NDUFAF7: variants seen among roughly 807,000 people sequenced by gnomAD.
The protein encoded by NDUFAF7 is NADH:ubiquinone oxidoreductase complex assembly factor 7.
Under a neutral mutation model 47.2 loss-of-function variants are expected in NDUFAF7, and 48 were observed. The observed-to-expected ratio is 1.02, with a 90% CI of 0.81 to 1.29. The LOEUF (loss-of-function observed/expected upper bound fraction) is 1.29. Ranked by LOEUF, NDUFAF7 falls within the 50% of genes most tolerant of loss-of-function variation. The probability of loss-of-function intolerance (pLI) is 0.00; values close to 1 mark genes in which losing one functional copy is unlikely to be tolerated. For synonymous variants in NDUFAF7, 217 were observed against 190.0 expected, an observed-to-expected ratio of 1.14 and a Z score of -1.17; for missense variants, 635 against 537.6, an observed-to-expected ratio of 1.18 and a Z score of -1.79.
chr2:37,268,548 G>A, the NDUFAF7 span: 1 of 282,364 alleles, frequency 3.5e-6, no homozygotes, highest in African/African-American at 2.3e-5. Context: ...AAGGGTAATA[G>A]ATATTGTGAG....
At chr2:37,244,321 T>C (rs1666688652) in intron 7 of NDUFAF7, among the ~76,000 whole-genome samples, 1 of 152,240 alleles carries the variant, frequency 6.6e-6, no homozygotes, top group Non-Finnish European at 1.5e-5. Flanking sequence ...GTACAGACTA[T>C]AGTAAATTAA....
downstream of NDUFAF7, among the ~76,000 whole-genome samples, chr2:37,255,125 G>C (rs1319045484): frequency 6.6e-6 from 1 of 152,198 alleles, no homozygotes; most frequent in Non-Finnish European, 1.5e-5. Context: ...GAGGTCTACA[G>C]AACACACTGC....
the NDUFAF7 span, among the ~76,000 whole-genome samples, chr2:37,271,253 C>A: frequency 6.6e-6 from 1 of 152,010 alleles, no homozygotes; most frequent in African/African-American, 2.4e-5. Flanking sequence ...CAGGGGTTAG[C>A]AAACTCCAGC....
In NDUFAF7 at chr2:37,249,112, T is replaced by G. The variant is rs1435059428; in HGVS notation, c.*762T>G. On this transcript the variant is annotated 3_prime_UTR_variant, in exon 10 of 10. Transcript: ENST00000002125. Reference sequence around the variant, plus strand: ...GAGTTTTTATAGTTGATTCCATTTTTGTTGAAGGAGAAAAACTAAATAAAT... The same window carrying G: ...GAGTTTTTATAGTTGATTCCATTTTGGTTGAAGGAGAAAAACTAAATAAAT... 1 of 152,308 alleles carries G rather than the reference T, an allele frequency of 6.6e-6. No homozygotes were observed. Among genetic ancestry groups the G allele is most frequent in the African/African-American group, 2.4e-5 (1 of 41,446 alleles). The allele number at this position is 152,308 out of a possible 1,614,324, so 9.4% of individuals were successfully genotyped here.
chr2:37,262,050 T>C, the NDUFAF7 span, among the ~76,000 whole-genome samples: 2 of 152,210 alleles, frequency 1.3e-5, no homozygotes, highest in African/African-American at 4.8e-5. Flanking sequence ...GGCTAAGTTG[T>C]GTTCAGGAGG....
At chr2:37,241,024 T>C (rs993333272) in intron 4 of NDUFAF7, among the ~76,000 whole-genome samples, 35 of 152,234 alleles carry the variant, frequency 2.3e-4, no homozygotes, top group African/African-American at 8.2e-4. Context: ...TGCTATTGAT[T>C]TTTTAGCCTT....
chr2:37,251,169 C>A (rs1200303146), downstream of NDUFAF7: 1 of 152,454 alleles, frequency 6.6e-6, no homozygotes, highest in African/African-American at 2.4e-5. Context: ...GGAAGTCATC[C>A]TCTATCACAG....
chr2:37,244,717 A>G (rs977585566), intron 7 of NDUFAF7, among the ~76,000 whole-genome samples: 7 of 152,204 alleles, frequency 4.6e-5, no homozygotes, highest in Non-Finnish European at 1.0e-4. Context: ...TTTTAAAAGC[A>G]CAAGAGCTTT....
downstream of NDUFAF7, among the ~76,000 whole-genome samples, chr2:37,249,566 C>CACACAT (rs1164034613): frequency 3.6e-3 from 167 of 46,026 alleles, 7 homozygotes; most frequent in East Asian, 0.33. Flanking sequence ...TAGACACACA[C>CACACAT]ACACACACAC....
chr2:37,267,361 A>AAG, the NDUFAF7 span: 5 of 1,104,860 alleles, frequency 4.5e-6, no homozygotes, highest in African/African-American at 4.8e-5. Flanking sequence ...AAAAAAAAAA[A>AAG]AGAGAAGCAG....
chr2:37,260,641 T>C, the NDUFAF7 span, among the ~76,000 whole-genome samples: 1 of 152,230 alleles, frequency 6.6e-6, no homozygotes, highest in South Asian at 2.1e-4. Flanking sequence ...CCATTACTAC[T>C]ACTTTTCCTT....
At chr2:37,236,198 G>T in intron 3 of NDUFAF7, 22 bp downstream of exon 3, 1 of 1,523,316 alleles carries the variant, frequency 6.6e-7, no homozygotes, top group South Asian at 1.1e-5. Context: ...TGTAAAGTAT[G>T]AATGAAGCTA....
At position 37,231,660 on chromosome 2, in the gene NDUFAF7, C is replaced by A. The variant is rs770031783; in HGVS notation, c.-46C>A. On this transcript the variant is annotated 5_prime_UTR_variant, in exon 1 of 10. Coordinates refer to ENST00000002125, the MANE Select transcript of NDUFAF7 (RefSeq NM_144736.5). ...GGGCGTGTCTTCTCCCGGAAATGGT[C>A]TAAGCCCCAGCTCCTGGCGGAGCGA... 6 of 1,613,990 alleles carry A rather than the reference C, an allele frequency of 3.7e-6. No individual in the cohort carries two copies. In the Admixed American group the frequency reaches 1.0e-4, roughly 27 times the overall value.
At chr2:37,236,623 T>A (rs1665797696) in intron 3 of NDUFAF7, among the ~76,000 whole-genome samples, 1 of 150,326 alleles carries the variant, frequency 6.7e-6, no homozygotes, top group African/African-American at 2.4e-5. Flanking sequence ...AAAAAAAAAA[T>A]ACAAAAAATT....
the NDUFAF7 span, chr2:37,269,587 C>G: frequency 6.4e-7 from 1 of 1,574,602 alleles, no homozygotes; most frequent in Non-Finnish European, 8.7e-7. Context: ...ATAATGTGTA[C>G]AATATGCAAA....
At position 37,249,083 on chromosome 2, in the gene NDUFAF7, G is replaced by A. The variant is rs759506214; in HGVS notation, c.*733G>A. The A allele has an allele frequency of 6.6e-6, 1 of 152,242 alleles. No individual in the cohort carries two copies. Among genetic ancestry groups the A allele is most frequent in the African/African-American group, 2.4e-5 (1 of 41,428 alleles). The allele number at this position is 152,242 out of a possible 1,614,324, so 9.4% of individuals were successfully genotyped here. ...TTTAGTAAGTGAAAAAAAGTAGGAT[G>A]CAAGAGTTTTTATAGTTGATTCCAT... is the stretch of plus-strand genomic sequence containing the variant. On this transcript the variant is annotated 3_prime_UTR_variant, in exon 10 of 10. Transcript: ENST00000002125.
the NDUFAF7 span, chr2:37,268,492 C>A: frequency 2.7e-6 from 1 of 365,456 alleles, no homozygotes. Flanking sequence ...CATCTCACAG[C>A]CAACGCTCCA....
the NDUFAF7 span, among the ~76,000 whole-genome samples, chr2:37,259,283 C>G: frequency 3.3e-5 from 5 of 152,178 alleles, no homozygotes; most frequent in Admixed American, 1.3e-4. Context: ...GGTATTTATC[C>G]TAAGTACCAT....
chr2:37,234,383 T>TGC (rs1298032017), intron 2 of NDUFAF7, among the ~76,000 whole-genome samples: 2 of 152,120 alleles, frequency 1.3e-5, no homozygotes, highest in African/African-American at 4.8e-5. Flanking sequence ...TGAGCCACTG[T>TGC]GCGCGGCCTA....
Sources: gnomAD v4.1 joint callset for allele counts (sites outside exome capture counted in the v4.1 genomes callset) on GRCh38, gnomAD v4.1.1 for gene constraint, MANE v1.5 for transcripts, NCBI Gene and HGNC (gene_info 2026-07-23, HGNC 2026-07-21) for gene names.